JAK2: variants seen among roughly 807,000 people sequenced by gnomAD.
JAK2 encodes the protein Janus kinase 2, also known as tyrosine-protein kinase JAK2.
JAK2 carries 86 observed loss-of-function variants against 139.3 expected under a neutral mutation model. The ratio of observed to expected loss-of-function variants is 0.62; its 90% CI spans 0.52 to 0.74. The LOEUF (loss-of-function observed/expected upper bound fraction) is 0.74. Among genes scored for constraint, JAK2 ranks in the 30% least tolerant of loss-of-function variants. The probability of loss-of-function intolerance (pLI) is 0.00; values close to 1 mark genes in which losing one functional copy is unlikely to be tolerated. For synonymous variants in JAK2, 490 were observed against 437.7 expected, an observed-to-expected ratio of 1.12 and a Z score of -1.49; for missense variants, 1,421 against 1,360.3, an observed-to-expected ratio of 1.04 and a Z score of -0.70.
chr9:5,110,688 T>G, intron 22 of JAK2: 1 of 322,010 alleles, frequency 3.1e-6, no homozygotes, highest in Non-Finnish European at 6.1e-6. Flanking sequence ...CCTGAGCCCT[T>G]TCTATTACTC....
intron 16 of JAK2, among the ~76,000 whole-genome samples, chr9:5,078,909 T>C (rs1586750105): frequency 6.6e-6 from 1 of 152,364 alleles, no homozygotes; most frequent in African/African-American, 2.4e-5. Context: ...TGTTCATCTT[T>C]ACTACTTAAC....
intron 2 of JAK2, among the ~76,000 whole-genome samples, chr9:5,008,443 G>A (rs1821464357): frequency 6.6e-6 from 1 of 152,216 alleles, no homozygotes; most frequent in African/African-American, 2.4e-5. Context: ...GGCACTTTTG[G>A]TGATTGAGGA....
intron 8 of JAK2, among the ~76,000 whole-genome samples, chr9:5,062,315 T>TCAAAG (rs1818236522): frequency 1.3e-5 from 2 of 151,948 alleles, no homozygotes; most frequent in Non-Finnish European, 2.9e-5. Context: ...GAGGGACAAC[T>TCAAAG]GTACAATAGT....
intron 4 of JAK2, among the ~76,000 whole-genome samples, chr9:5,042,760 G>C (rs376955655): frequency 1.3e-5 from 2 of 152,332 alleles, no homozygotes; most frequent in African/African-American, 4.8e-5. Context: ...TGCCAGGGGT[G>C]AGGCTGTGCC....
intron 10 of JAK2, 67 bp from the exon 11 acceptor site, chr9:5,068,955 G>T: frequency 1.1e-6 from 1 of 871,162 alleles, no homozygotes; most frequent in Non-Finnish European, 1.7e-6. Context: ...ATATCATTTT[G>T]TCAGAATAAT....
chr9:5,100,163 A>G (rs1821355515), intron 22 of JAK2: 1 of 152,238 alleles, frequency 6.6e-6, no homozygotes, highest in East Asian at 1.9e-4. Flanking sequence ...ACTATTCTCA[A>G]ATTCGCCATA....
At chr9:5,048,426 C>G (rs1817181169) in intron 5 of JAK2, among the ~76,000 whole-genome samples, 1 of 152,178 alleles carries the variant, frequency 6.6e-6, no homozygotes. Flanking sequence ...CAGGTGTGAG[C>G]CACTGCACCC....
intron 22 of JAK2, chr9:5,112,616 C>T: frequency 2.2e-6 from 2 of 917,414 alleles, no homozygotes; most frequent in South Asian, 2.0e-5. Flanking sequence ...GCGCATGTGG[C>T]AACTGCACCT....
intron 19 of JAK2, among the ~76,000 whole-genome samples, chr9:5,088,521 G>A (rs1820304935): frequency 1.4e-5 from 2 of 141,104 alleles, no homozygotes; most frequent in Admixed American, 1.5e-4. Context: ...TAAAAAGAGT[G>A]GATTTCTTTA....
chr9:5,111,430 G>T, intron 22 of JAK2: 3 of 397,526 alleles, frequency 7.5e-6, no homozygotes, highest in Non-Finnish European at 1.5e-5. Context: ...CGAAGGTCGG[G>T]AAGGTCCCGC....
chr9:5,125,149 A>G (rs559157363), intron 23 of JAK2, among the ~76,000 whole-genome samples: 4 of 151,382 alleles, frequency 2.6e-5, no homozygotes, highest in African/African-American at 9.6e-5. Context: ...CTCAGAGAAG[A>G]CCACCTCAAT....
chr9:5,058,801 C>T (rs554993918), intron 8 of JAK2, among the ~76,000 whole-genome samples: 6 of 152,172 alleles, frequency 3.9e-5, no homozygotes, highest in Admixed American at 6.5e-5. Context: ...TGTTGCTGAG[C>T]GTCTTTTCAT....
intron 19 of JAK2, chr9:5,085,154 C>T (rs749388364): frequency 9.3e-6 from 6 of 648,322 alleles, no homozygotes; most frequent in African/African-American, 7.2e-5. Flanking sequence ...TACTGTGGAG[C>T]TCTGTCTACA....
chr9:5,017,703 T>G (rs1053010092), intron 2 of JAK2, among the ~76,000 whole-genome samples: 2 of 152,236 alleles, frequency 1.3e-5, no homozygotes, highest in Non-Finnish European at 2.9e-5. Context: ...CAAGGAATTA[T>G]GTATTTTTGA....
chr9:5,015,296 G>C (rs973720170), intron 2 of JAK2, among the ~76,000 whole-genome samples: 1 of 152,194 alleles, frequency 6.6e-6, no homozygotes, highest in Non-Finnish European at 1.5e-5. Flanking sequence ...TAGAATTGTA[G>C]CAGTTCTCAG....
Position 5,113,009 on chromosome 9 carries a change from AAGGAAGGTGAGTGATGGGGGTG to A in JAK2, c.3060-9984_3060-9963del, listed in dbSNP as rs556928240. Among the ~76,000 whole-genome samples, 19 of 152,146 alleles carry A rather than the reference AAGGAAGGTGAGTGATGGGGGTG, an allele frequency of 1.2e-4. No individual in the cohort carries two copies. In the East Asian group the frequency reaches 3.5e-3, roughly 28 times the overall value. On this transcript the variant is annotated intron_variant, in intron 22 of 24. Transcript: ENST00000381652. ...TGATGAGGCTCAGAGTGATGGGGGC[AAGGAAGGTGAGTGATGGGGGTG>A]AGGAAGGTGACGCTGGGTCCAGGAG...
At chr9:5,018,627 CTG>C (rs1164456674) in intron 2 of JAK2, among the ~76,000 whole-genome samples, 1 of 152,238 alleles carries the variant, frequency 6.6e-6, no homozygotes. Context: ...GCTTGAGCCA[CTG>C]TGCCTGGCCT....
chr9:5,064,899 C>T lies in JAK2; in HGVS notation c.1073C>T (p.Ser358Leu), dbSNP rs999268376. 1 of 1,583,264 alleles carries T rather than the reference C, an allele frequency of 6.3e-7. No homozygotes were observed. Among genetic ancestry groups the T allele is most frequent in the Non-Finnish European group, 8.6e-7 (1 of 1,164,628 alleles). The change falls in exon 9 of 25, where the codon TCA becomes TTA. Residue 358 changes from serine (S) to leucine (L), a missense_variant. By Grantham distance (145) the Ser-to-Leu change is moderately radical. Coordinates refer to ENST00000381652, the MANE Select transcript of JAK2 (RefSeq NM_004972.4). ...DGKNLEIELS[S>L]LREALSFVSL... ...TCTGCTTAGGAAATTGAACTTAGCT[C>T]ATTAAGGGAAGCTTTGTCTTTCGTG...
chr9:5,095,295 C>G (rs1820903025), intron 22 of JAK2, among the ~76,000 whole-genome samples: 1 of 151,848 alleles, frequency 6.6e-6, no homozygotes, highest in Non-Finnish European at 1.5e-5. Context: ...CAATGCTACG[C>G]TCACACTGAT....
Sources: gnomAD v4.1 joint callset for allele counts (sites outside exome capture counted in the v4.1 genomes callset) on GRCh38, gnomAD v4.1.1 for gene constraint, MANE v1.5 for transcripts, NCBI Gene and HGNC (gene_info 2026-07-23, HGNC 2026-07-21) for gene names.